The following ZNF609 variants were observed in gnomAD, a reference collection of about 807,000 sequenced individuals.
ZNF609 encodes zinc finger protein 609.
In ZNF609, 11 loss-of-function variants were observed where a neutral mutation model predicts 109.5. The observed-to-expected ratio is 0.10, with a 90% CI of 0.06 to 0.17. ZNF609 has a LOEUF of 0.17. Among genes scored for constraint, ZNF609 ranks in the 10% least tolerant of loss-of-function variants. The pLI is 1.00. For synonymous variants in ZNF609, 646 were observed against 662.0 expected, an observed-to-expected ratio of 0.98 and a Z score of 0.37; for missense variants, 1,559 against 1,772.4, an observed-to-expected ratio of 0.88 and a Z score of 2.16.
intron 2 of ZNF609, chr15:64,500,537 A>T: frequency 1.6e-6 from 1 of 613,062 alleles, no homozygotes; most frequent in Admixed American, 2.8e-5. Flanking sequence ...GCATTTCATC[A>T]TCAGACTCAT....
chr15:64,532,009 C>T (rs1894070656), intron 2 of ZNF609, among the ~76,000 whole-genome samples: 1 of 152,212 alleles, frequency 6.6e-6, no homozygotes, highest in Non-Finnish European at 1.5e-5. Context: ...GTGCTTCTCT[C>T]TGCCATACCT....
intron 2 of ZNF609, among the ~76,000 whole-genome samples, chr15:64,541,626 G>T (rs896880379): frequency 2.6e-5 from 4 of 151,148 alleles, no homozygotes; most frequent in African/African-American, 9.7e-5. Flanking sequence ...AGATCACGAG[G>T]TCAGGAGATC....
intron 1 of ZNF609, among the ~76,000 whole-genome samples, chr15:64,483,980 G>C (rs1004998937): frequency 2.0e-4 from 30 of 151,174 alleles, no homozygotes; most frequent in Admixed American, 2.6e-4. Flanking sequence ...TTCCCCCATT[G>C]CACTGTGCTG....
At chr15:64,670,584 A>AGTCTTCTTGAATGTC in intron 4 of ZNF609, 151 bp downstream of exon 4, 2 of 711,050 alleles carry the variant, frequency 2.8e-6, no homozygotes, top group Non-Finnish European at 4.8e-6. Context: ...TCTGACATTC[A>AGTCTTCTTGAATGTC]AGAAGACTGA....
intron 3 of ZNF609, among the ~76,000 whole-genome samples, chr15:64,648,196 T>C (rs1896362824): frequency 6.6e-6 from 1 of 152,172 alleles, no homozygotes; most frequent in Admixed American, 6.5e-5. Flanking sequence ...TAGTTAAAAA[T>C]ACGTATAAGG....
At chr15:64,577,363 ATGT>A (rs1474269779) in intron 2 of ZNF609, among the ~76,000 whole-genome samples, 14 of 20,324 alleles carry the variant, frequency 6.9e-4, no homozygotes, top group African/African-American at 1.0e-3. Context: ...ATACACATAT[ATGT>A]ATATATATAC....
At chr15:64,489,724 C>T (rs1182759404) in intron 1 of ZNF609, among the ~76,000 whole-genome samples, 1 of 150,012 alleles carries the variant, frequency 6.7e-6, no homozygotes, top group Non-Finnish European at 1.5e-5. Flanking sequence ...AAGACAGTTT[C>T]CCCATGTTGG....
At chr15:64,469,354 G>A (rs1048811812) in intron 1 of ZNF609, among the ~76,000 whole-genome samples, 2 of 149,534 alleles carry the variant, frequency 1.3e-5, no homozygotes, top group Non-Finnish European at 3.0e-5. Flanking sequence ...AGCCCAGGAG[G>A]TCGAGGCTGC....
At chr15:64,563,058 C>G (rs1894705743) in intron 2 of ZNF609, among the ~76,000 whole-genome samples, 1 of 152,026 alleles carries the variant, frequency 6.6e-6, no homozygotes, top group Non-Finnish European at 1.5e-5. Flanking sequence ...GTGGAAAGAT[C>G]ACTTGAGCCT....
At chr15:64,597,445 T>C (rs1895415898) in intron 2 of ZNF609, among the ~76,000 whole-genome samples, 1 of 152,176 alleles carries the variant, frequency 6.6e-6, no homozygotes, top group Admixed American at 6.6e-5. Flanking sequence ...ATGGGTATTG[T>C]TTAGCTGACC....
At position 64,675,800 on chromosome 15, in the gene ZNF609, C is replaced by T. The variant is rs566544081; in HGVS notation, c.2946C>T (p.Pro982=). 1 of 1,614,212 alleles carries T rather than the reference C, an allele frequency of 6.2e-7. No individual in the cohort carries two copies. Among genetic ancestry groups the T allele is most frequent in the Admixed American group, 1.7e-5 (1 of 60,028 alleles). ...LYYNQYAYVP[P]YGYSDQSYHT... ...ACAACCAGTATGCCTATGTACCCCC[C>T]TATGGCTACAGCGACCAGAGTTACC... Residue 982 remains proline (P), a synonymous_variant, in exon 5 of 10, where the codon CCC becomes CCT. Transcript: ENST00000326648.
chr15:64,646,362 G>A (rs530315505), intron 3 of ZNF609, among the ~76,000 whole-genome samples: 34 of 152,160 alleles, frequency 2.2e-4, no homozygotes, highest in African/African-American at 7.5e-4. Flanking sequence ...CAGGCATGGT[G>A]GCTTATGTCT....
At chr15:64,556,912 A>G (rs1595717419) in intron 2 of ZNF609, among the ~76,000 whole-genome samples, 1 of 152,210 alleles carries the variant, frequency 6.6e-6, no homozygotes, top group Non-Finnish European at 1.5e-5. Flanking sequence ...TTTATAATAA[A>G]TAAGTCATAC....
At chr15:64,569,338 T>C (rs563988727) in intron 2 of ZNF609, among the ~76,000 whole-genome samples, 1 of 152,326 alleles carries the variant, frequency 6.6e-6, no homozygotes, top group South Asian at 2.1e-4. Context: ...TTTCCCTTAT[T>C]CTCAGGAACT....
chr15:64,469,048 A>C (rs1158926528), intron 1 of ZNF609, among the ~76,000 whole-genome samples: 8 of 141,520 alleles, frequency 5.7e-5, no homozygotes, highest in African/African-American at 2.0e-4. Context: ...AAAAAAAAAA[A>C]AAAAAAAACA....
chr15:64,550,238 AG>A (rs1323640521), intron 2 of ZNF609, among the ~76,000 whole-genome samples: 3 of 152,122 alleles, frequency 2.0e-5, no homozygotes, highest in East Asian at 1.9e-4. Flanking sequence ...TACAGGCATG[AG>A]CTGCTGTGCC....
At chr15:64,549,331 C>T (rs1173556687) in intron 2 of ZNF609, among the ~76,000 whole-genome samples, 1 of 152,088 alleles carries the variant, frequency 6.6e-6, no homozygotes, top group Admixed American at 6.6e-5. Flanking sequence ...GCTGGGATTA[C>T]AGGTGCACAC....
At chr15:64,581,134 T>C (rs1567020574) in intron 2 of ZNF609, among the ~76,000 whole-genome samples, 1 of 151,992 alleles carries the variant, frequency 6.6e-6, no homozygotes, top group Non-Finnish European at 1.5e-5. Flanking sequence ...CAAGCTGTCT[T>C]CCTGCTTCCT....
rs1258164553 is a variant in ZNF609 at position 64,638,018 on chromosome 15, A to AT, written c.973+14966_973+14967insT. On this transcript the variant is annotated intron_variant, in intron 3 of 9. Transcript: ENST00000326648. ...TTTATATATATATATATATATATAA[A>AT]ATATATATAAAAATACATATATATA... is the stretch of plus-strand genomic sequence containing the variant. 6.5e-5 allele frequency among the ~76,000 whole-genome samples: 9 copies of AT among 137,422 alleles called. No individual in the cohort carries two copies. The East Asian group carries it at 1.4e-3, about 21-fold the overall frequency. The allele number at this position is 137,422 out of a possible 152,430, so 90.2% of individuals were successfully genotyped here. A position where few individuals can be genotyped will look rare whatever the true frequency, so the allele number is the denominator to read the frequency against.
Sources: gnomAD v4.1 joint callset for allele counts (sites outside exome capture counted in the v4.1 genomes callset) on GRCh38, gnomAD v4.1.1 for gene constraint, MANE v1.5 for transcripts, NCBI Gene and HGNC (gene_info 2026-07-23, HGNC 2026-07-21) for gene names.